RBFOX1: variants seen among roughly 807,000 people sequenced by gnomAD.
RBFOX1 encodes RNA binding protein fox-1 homolog 1.
RBFOX1 carries 8 observed loss-of-function variants against 57.7 expected under a neutral mutation model. The ratio of observed to expected loss-of-function variants is 0.14; its 90% CI spans 0.08 to 0.25. The LOEUF is 0.25. Ranked by LOEUF, RBFOX1 falls within the 10% of genes least tolerant of loss-of-function variation. RBFOX1 has a pLI of 1.00. For missense variants in RBFOX1, 611 were observed against 548.5 expected, an observed-to-expected ratio of 1.11 and a Z score of -1.14; for synonymous variants, 326 against 222.4, an observed-to-expected ratio of 1.47 and a Z score of -4.15.
Position 7,680,905 on chromosome 16 carries a change from C to G in RBFOX1, c.995+4067C>G, listed in dbSNP as rs367982746. 3.3e-5 allele frequency among the ~76,000 whole-genome samples: 5 copies of G among 151,662 alleles called. No individual in the cohort carries two copies. In the East Asian group the frequency reaches 7.7e-4, roughly 23 times the overall value. The stretch of plus-strand genomic sequence containing the variant: ...CTTCCTCTCTGCACACACACACGTA[C>G]ACACACACACACTCACTTGTGCCTT... On this transcript the variant is annotated intron_variant, in intron 14 of 15. Transcript: ENST00000550418.
intron 4 of RBFOX1, among the ~76,000 whole-genome samples, chr16:5,921,484 G>C (rs2056374504): frequency 1.3e-5 from 2 of 152,198 alleles, no homozygotes; most frequent in African/African-American, 4.8e-5. Flanking sequence ...ACTTGACTGA[G>C]AAGGACCGAT....
rs534461294 is a variant in RBFOX1, at chr16:5,626,749, C to A, written c.318+27788C>A. Among the ~76,000 whole-genome samples the A allele has an allele frequency of 4.6e-5, 7 of 152,170 alleles. No individual in the cohort carries two copies. In the South Asian group the frequency reaches 1.2e-3, roughly 27 times the overall value. On this transcript the variant is annotated intron_variant, in intron 3 of 19. Coordinates refer to the RBFOX1 transcript ENST00000641259. Reference sequence around the variant, plus strand: ...TACTTTCTGGTGATAGATCTTGTGACTGGGACTGAAGGTTCAACCAGGGTT... The same window carrying A: ...TACTTTCTGGTGATAGATCTTGTGAATGGGACTGAAGGTTCAACCAGGGTT...
chr16:7,648,028 C>T (rs1597258567), intron 11 of RBFOX1, among the ~76,000 whole-genome samples: 1 of 152,298 alleles, frequency 6.6e-6, no homozygotes, highest in African/African-American at 2.4e-5. Flanking sequence ...CAGAATCCTA[C>T]AGACCACCAC....
intron 1 of RBFOX1, among the ~76,000 whole-genome samples, chr16:5,291,693 A>G (rs1166645087): frequency 1.3e-5 from 2 of 152,208 alleles, no homozygotes; most frequent in Admixed American, 6.5e-5. Flanking sequence ...CCAGGGGAAA[A>G]CACAGGCCAG....
chr16:7,627,968 G>C (rs1302172215), intron 10 of RBFOX1, among the ~76,000 whole-genome samples: 1 of 151,188 alleles, frequency 6.6e-6, no homozygotes, highest in African/African-American at 2.4e-5. Flanking sequence ...TTTCAGTCCA[G>C]GTTCTCAGAA....
rs551531564 is a variant in RBFOX1 at position 6,805,858 on chromosome 16, C to T, written c.-16+151208C>T. ...ATCTCCGCCTTTCTCCTTACAGTCA[C>T]ACTTGGCTCTTTCCAACACGAATCA... On this transcript the variant is annotated intron_variant, in intron 3 of 15. Transcript: ENST00000550418. 3.9e-5 allele frequency among the ~76,000 whole-genome samples: 6 copies of T among 152,292 alleles called. No individual in the cohort carries two copies. In the East Asian group the frequency reaches 7.7e-4, roughly 20 times the overall value.
At chr16:7,052,133 C>T (rs2050298840) in intron 4 of RBFOX1, 35 bp downstream of exon 4, 3 of 1,584,340 alleles carry the variant, frequency 1.9e-6, no homozygotes, top group Non-Finnish European at 2.6e-6. Flanking sequence ...CTTCCTGATT[C>T]TCATTTTTGT....
intron 3 of RBFOX1, among the ~76,000 whole-genome samples, chr16:6,655,046 G>A (rs1472017158): frequency 6.6e-6 from 1 of 150,996 alleles, no homozygotes; most frequent in Non-Finnish European, 1.5e-5. Context: ...GGCTTCCCAG[G>A]GTGTGTCCCT....
chr16:6,564,695 A>T (rs982656471), intron 2 of RBFOX1, among the ~76,000 whole-genome samples: 5 of 152,180 alleles, frequency 3.3e-5, no homozygotes, highest in African/African-American at 7.2e-5. Flanking sequence ...CAGTAAAAAG[A>T]TGAACAGGTT....
chr16:5,793,513 G>A (rs2054773694), intron 3 of RBFOX1, among the ~76,000 whole-genome samples: 1 of 152,232 alleles, frequency 6.6e-6, no homozygotes, highest in Non-Finnish European at 1.5e-5. Flanking sequence ...TCCTGAATCA[G>A]AGGTGTTGGC....
intron 4 of RBFOX1, among the ~76,000 whole-genome samples, chr16:7,436,367 T>C (rs773615459): frequency 2.0e-5 from 3 of 152,338 alleles, no homozygotes; most frequent in Middle Eastern, 3.4e-3. Flanking sequence ...TTTGAACACA[T>C]ATAGTGCGTG....
At chr16:6,654,133 C>T (rs1179537961) in intron 2 of RBFOX1, among the ~76,000 whole-genome samples, 2 of 150,610 alleles carry the variant, frequency 1.3e-5, no homozygotes, top group African/African-American at 4.9e-5. Flanking sequence ...GGTAGAGGAC[C>T]AATGAATGAA....
At chr16:5,814,001 G>A (rs1253471084) in intron 3 of RBFOX1, among the ~76,000 whole-genome samples, 3 of 152,238 alleles carry the variant, frequency 2.0e-5, no homozygotes, top group East Asian at 1.9e-4. Context: ...AATACAAGAA[G>A]TAACTTATTT....
intron 4 of RBFOX1, among the ~76,000 whole-genome samples, chr16:7,140,340 T>A (rs1392718779): frequency 4.6e-5 from 7 of 150,676 alleles, no homozygotes; most frequent in Admixed American, 4.0e-4. Context: ...ACACAAAGTT[T>A]CTTTTCCCCA....
chr16:6,547,922 C>T (rs1412090628), intron 2 of RBFOX1, among the ~76,000 whole-genome samples: 1 of 152,150 alleles, frequency 6.6e-6, no homozygotes, highest in Non-Finnish European at 1.5e-5. Flanking sequence ...AGACTGCAAG[C>T]GAGGCTGTGA....
At chr16:7,517,997 A>G in intron 4 of RBFOX1, 150 bp from the exon 5 acceptor site, 2 of 855,926 alleles carry the variant, frequency 2.3e-6, no homozygotes, top group Admixed American at 2.6e-5. Context: ...GGTGAAGATG[A>G]CCTGAGATTG....
chr16:6,579,018 C>T (rs2097491548), intron 2 of RBFOX1, among the ~76,000 whole-genome samples: 1 of 151,890 alleles, frequency 6.6e-6, no homozygotes, highest in South Asian at 2.1e-4. Context: ...CCAAACACCA[C>T]CTGTTTTCCC....
chr16:5,667,146 T>C (rs1232826303), intron 3 of RBFOX1, among the ~76,000 whole-genome samples: 1 of 152,224 alleles, frequency 6.6e-6, no homozygotes, highest in African/African-American at 2.4e-5. Context: ...CCCAGTGTTT[T>C]TGTTGTTGCT....
chr16:5,307,206 A>T (rs370186195), intron 1 of RBFOX1, among the ~76,000 whole-genome samples: 23 of 152,142 alleles, frequency 1.5e-4, no homozygotes, highest in African/African-American at 5.5e-4. Flanking sequence ...CTTTGCTTGC[A>T]TTTCATGTTT....
Sources: allele counts gnomAD v4.1 joint callset (sites outside exome capture counted in the v4.1 genomes callset), GRCh38; gene constraint gnomAD v4.1.1; transcripts MANE v1.5; gene names NCBI Gene and HGNC (gene_info 2026-07-23, HGNC 2026-07-21).